The following HMGCS1 variants were observed in gnomAD, a reference collection of about 807,000 sequenced individuals.
HMGCS1 encodes the protein hydroxymethylglutaryl-CoA synthase, cytoplasmic.
A neutral mutation model predicts 52.3 loss-of-function variants in HMGCS1; 9 were observed. That is an observed-to-expected ratio of 0.17 (90% CI 0.10 to 0.30). The LOEUF (loss-of-function observed/expected upper bound fraction) is 0.30. Ranked by LOEUF, HMGCS1 falls within the 10% of genes least tolerant of loss-of-function variation. The pLI, the probability that HMGCS1 is intolerant of heterozygous loss-of-function variation, is 1.00. For missense variants in HMGCS1, 320 were observed against 620.9 expected, an observed-to-expected ratio of 0.52 and a Z score of 5.15; for synonymous variants, 176 against 214.4, an observed-to-expected ratio of 0.82 and a Z score of 1.57.
rs1296439043 is a variant in HMGCS1 at position 43,298,245 on chromosome 5, A to T, written c.449-111T>A. 9.9e-7 allele frequency: 1 copy of T among 1,008,450 alleles called. No homozygotes were observed. Among genetic ancestry groups the T allele is most frequent in the Non-Finnish European group, 1.4e-6 (1 of 698,300 alleles). The allele number at this position is 1,008,450 out of a possible 1,614,324, so 62.5% of individuals were successfully genotyped here. On this transcript the variant is annotated intron_variant, in intron 3 of 10. Transcript: ENST00000325110. This position sits in a 1 kb window ranked among gnomAD's most constrained non-coding sequence, Gnocchi z 5.6. The stretch of plus-strand genomic sequence containing the variant: ...GAATATGCTTTTCCCTTCTTTGATA[A>T]AGAAAGAAAATGCTCTAATTTTTTT...
chr5:43,297,969 T>C, intron 4 of HMGCS1, 40 bp downstream of exon 4: 12 of 1,598,100 alleles, frequency 7.5e-6, no homozygotes, highest in African/African-American at 1.3e-5. Context: ...TCTCAGCATA[T>C]TGTGCTAAAA....
intron 1 of HMGCS1, among the ~76,000 whole-genome samples, chr5:43,310,634 A>AT (rs201159270): frequency 9.3e-5 from 14 of 150,522 alleles, no homozygotes; most frequent in East Asian, 7.8e-4. Flanking sequence ...TCACTTTTTA[A>AT]TTTTTTTTTT....
chr5:43,312,480 T>C (rs1754919597), intron 1 of HMGCS1, among the ~76,000 whole-genome samples: 1 of 152,198 alleles, frequency 6.6e-6, no homozygotes, highest in African/African-American at 2.4e-5. Flanking sequence ...AGAATAATCG[T>C]TTCTCTACCA....
chr5:43,310,882 T>C (rs1203584949), intron 1 of HMGCS1, among the ~76,000 whole-genome samples: 2 of 152,212 alleles, frequency 1.3e-5, no homozygotes, highest in East Asian at 3.8e-4. Flanking sequence ...ATCATTCCCA[T>C]ATGCACCCAC....
chr5:43,309,055 A>G (rs1754722707), intron 1 of HMGCS1, among the ~76,000 whole-genome samples: 1 of 152,040 alleles, frequency 6.6e-6, no homozygotes, highest in Non-Finnish European at 1.5e-5. Flanking sequence ...TCTGCAAATT[A>G]AGCAGACCAC....
In HMGCS1 at chr5:43,288,155, T is replaced by C. The variant is rs1753579216; in HGVS notation, c.*2976A>G. On this transcript the variant is annotated 3_prime_UTR_variant, in exon 11 of 11. Coordinates refer to ENST00000325110, the MANE Select transcript of HMGCS1 (RefSeq NM_001098272.3). ...TAAAGTAGTCCAGGAAAGACATTCT[T>C]TTTAATATTAAAAGATAAAGCCCCA... The C allele has an allele frequency of 6.6e-6, 1 of 152,178 alleles. No homozygotes were observed. The highest frequency in any genetic ancestry group is 2.1e-4 in the South Asian group (1 of 4,824). The allele number at this position is 152,178 out of a possible 1,614,324, so 9.4% of individuals were successfully genotyped here.
intron 2 of HMGCS1, among the ~76,000 whole-genome samples, chr5:43,299,205 A>G (rs745979730): frequency 6.6e-6 from 1 of 152,222 alleles, no homozygotes; most frequent in Non-Finnish European, 1.5e-5. Flanking sequence ...CATTTTATTC[A>G]AAATTGGGCA....
At position 43,292,488 on chromosome 5, in the gene HMGCS1, T is replaced by C. The variant is rs769998920; in HGVS notation, c.1459A>G (p.Asn487Asp). ...CTTTTATTTACCTCAGTTGCTATGT[T>C]TGAATGCACAAGTCCTACTCCTTCA... ...LDEGVGLVHS[N>D]IATEHIPSPA... Residue 487 changes from asparagine (N) to aspartate (D), a missense_variant, in exon 10 of 11, where the codon AAC (asparagine) becomes GAC (aspartate). This residue lies in a region of HMGCS1 where 213 missense variants were observed against 337.4 expected (regional missense o/e 0.63). Coordinates refer to ENST00000325110, the MANE Select transcript of HMGCS1 (RefSeq NM_001098272.3). 1.9e-6 allele frequency: 3 copies of C among 1,613,844 alleles called. No homozygotes were observed. In the East Asian group the frequency reaches 6.7e-5, roughly 36 times the overall value.
rs767881414 is a variant in HMGCS1 at position 43,295,741 on chromosome 5, G to A, written c.905+11C>T. Reference sequence around the variant, plus strand: ...ATATAGAAGGAAAAAACTCATAATAGCTCCTCTTACCCAAAGGCTTCCAGG... The same window carrying A: ...ATATAGAAGGAAAAAACTCATAATAACTCCTCTTACCCAAAGGCTTCCAGG... On this transcript the variant is annotated intron_variant, in intron 6 of 10. Transcript: ENST00000325110. 1 of 1,596,126 alleles carries A rather than the reference G, an allele frequency of 6.3e-7. No individual in the cohort carries two copies. Among genetic ancestry groups the A allele is most frequent in the East Asian group, 2.2e-5 (1 of 44,682 alleles).
chr5:43,306,089 C>T (rs1242476753), intron 2 of HMGCS1, among the ~76,000 whole-genome samples: 1 of 152,096 alleles, frequency 6.6e-6, no homozygotes, highest in Non-Finnish European at 1.5e-5. Flanking sequence ...CAAAGTAGTA[C>T]CAACAGAGGA....
At position 43,298,436 on chromosome 5, in the gene HMGCS1, G is replaced by A; in HGVS notation, c.448+82C>T. Reference sequence around the variant, plus strand: ...GACAAATTACAAAAGTTTGCGTATTGCATTAATTAAAGTGTCATCTGGGTC... The same window carrying A: ...GACAAATTACAAAAGTTTGCGTATTACATTAATTAAAGTGTCATCTGGGTC... On this transcript the variant is annotated intron_variant, in intron 3 of 10. Coordinates refer to ENST00000325110, the MANE Select transcript of HMGCS1 (RefSeq NM_001098272.3). This position sits in a 1 kb window ranked among gnomAD's most constrained non-coding sequence, Gnocchi z 5.6. The A allele has an allele frequency of 7.1e-6, 7 of 979,416 alleles. No individual in the cohort carries two copies. Among genetic ancestry groups the A allele is most frequent in the Non-Finnish European group, 1.1e-5 (7 of 644,730 alleles). The allele number at this position is 979,416 out of a possible 1,614,324, so 60.7% of individuals were successfully genotyped here.
At chr5:43,296,001 T>C (rs1754013919) in intron 5 of HMGCS1, 84 bp from the exon 6 acceptor site, 1 of 975,986 alleles carries the variant, frequency 1.0e-6, no homozygotes, top group Non-Finnish European at 1.6e-6. Flanking sequence ...GCTAGGATAT[T>C]TGTATATGTT....
intron 9 of HMGCS1, 73 bp downstream of exon 9, chr5:43,292,775 A>G: frequency 6.5e-7 from 1 of 1,544,318 alleles, no homozygotes; most frequent in Non-Finnish European, 8.9e-7. Flanking sequence ...TGATATCCTT[A>G]TCGTATATGT....
chr5:43,311,646 C>T (rs1046997032), intron 1 of HMGCS1, among the ~76,000 whole-genome samples: 1 of 152,106 alleles, frequency 6.6e-6, no homozygotes, highest in African/African-American at 2.4e-5. Context: ...CGGGTTTTTG[C>T]GTTTATTTCT....
At chr5:43,291,969 T>C (rs1325279311) in intron 10 of HMGCS1, among the ~76,000 whole-genome samples, 1 of 149,594 alleles carries the variant, frequency 6.7e-6, no homozygotes, top group Non-Finnish European at 1.5e-5. Context: ...TAATAAAACC[T>C]AGTATTTACT....
At chr5:43,303,299 T>A (rs1180142437) in intron 2 of HMGCS1, among the ~76,000 whole-genome samples, 2 of 152,196 alleles carry the variant, frequency 1.3e-5, no homozygotes, top group Non-Finnish European at 1.5e-5. Context: ...TGGAAAATAA[T>A]CAGGTTTAGA....
intron 7 of HMGCS1, chr5:43,294,366 G>A: frequency 1.9e-6 from 1 of 523,824 alleles, no homozygotes; most frequent in Non-Finnish European, 3.4e-6. Context: ...TTTTCATCTT[G>A]TGGGGAATGA....
intron 8 of HMGCS1, 114 bp downstream of exon 8, chr5:43,293,942 T>C: frequency 3.0e-6 from 2 of 675,766 alleles, no homozygotes; most frequent in Non-Finnish European, 5.4e-6. Context: ...CTCGAACTCC[T>C]GACCTCAGGT....
At position 43,298,303 on chromosome 5, in the gene HMGCS1, T is replaced by C; in HGVS notation, c.449-169A>G. 3 of 660,228 alleles carry C rather than the reference T, an allele frequency of 4.5e-6. No individual in the cohort carries two copies. Among genetic ancestry groups the C allele is most frequent in the South Asian group, 4.5e-5 (2 of 44,516 alleles). 40.9% of individuals were successfully genotyped at this position (660,228 alleles called of 1,614,324 possible). On this transcript the variant is annotated intron_variant, in intron 3 of 10. Coordinates refer to ENST00000325110, the MANE Select transcript of HMGCS1 (RefSeq NM_001098272.3). This position sits in a 1 kb window ranked among gnomAD's most constrained non-coding sequence, Gnocchi z 5.6. Reference sequence around the variant, plus strand: ...TCATCTGCCAAGGCTCTGTCATCCATCTGACTAAATTTTGAATAGACCATT... The same window carrying C: ...TCATCTGCCAAGGCTCTGTCATCCACCTGACTAAATTTTGAATAGACCATT...
Sources: allele counts gnomAD v4.1 joint callset (sites outside exome capture counted in the v4.1 genomes callset), GRCh38; gene constraint gnomAD v4.1.1; regional missense constraint gnomAD v4.1.1; non-coding constraint Gnocchi (gnomAD v3.1); transcripts MANE v1.5; gene names NCBI Gene and HGNC (gene_info 2026-07-23, HGNC 2026-07-21).